CFAP43: variants seen among roughly 807,000 people sequenced by gnomAD.
The protein encoded by CFAP43 is cilia and flagella associated protein 43.
CFAP43 carries 155 observed loss-of-function variants against 218.9 expected under a neutral mutation model. The ratio of observed to expected loss-of-function variants is 0.71; its 90% CI spans 0.62 to 0.81. CFAP43 has a LOEUF of 0.81. Among genes scored for constraint, CFAP43 ranks in the 30% least tolerant of loss-of-function variants. CFAP43 has a pLI of 0.00. For missense variants in CFAP43, 1,778 were observed against 1,954.3 expected (o/e 0.91, Z 1.70); for synonymous variants, 645 against 681.3 (o/e 0.95, Z 0.83).
At chr10:104,151,106 G>A (rs1040370961) in intron 28 of CFAP43, among the ~76,000 whole-genome samples, 4 of 152,126 alleles carry the variant, frequency 2.6e-5, no homozygotes, top group Non-Finnish European at 4.4e-5. Context: ...AGTATTCCAT[G>A]GTGTATATGT....
chr10:104,194,061 C>T, intron 10 of CFAP43, 47 bp from the exon 11 acceptor site: 1 of 1,600,006 alleles, frequency 6.2e-7, no homozygotes, highest in Non-Finnish European at 8.5e-7. Flanking sequence ...TGCCTGCTCT[C>T]CTACACGTAA....
At chr10:104,209,298 T>C (rs1545111) in intron 5 of CFAP43, among the ~76,000 whole-genome samples, 40,151 of 152,156 alleles carry the variant, frequency 0.26, 5,620 homozygotes, top group Middle Eastern at 0.34. Context: ...ACAAAATATA[T>C]GGCTTTATTA....
At chr10:104,211,035 C>A (rs1009846708) in intron 5 of CFAP43, among the ~76,000 whole-genome samples, 14 of 151,910 alleles carry the variant, frequency 9.2e-5, no homozygotes, top group Admixed American at 3.9e-4. Flanking sequence ...TCGTGATCCA[C>A]CCGTCTCGGC....
Position 104,164,086 on chromosome 10 carries a change from G to A in CFAP43, c.3246+8C>T. Reference sequence around the variant, plus strand: ...AAGAAGGGAAAGGAGAACACAGCTAGCCAGTACCTCCTCATCTTGCACAAC... The same window carrying A: ...AAGAAGGGAAAGGAGAACACAGCTAACCAGTACCTCCTCATCTTGCACAAC... On this transcript the variant is annotated splice_region_variant and intron_variant, in intron 24 of 37. Coordinates refer to ENST00000357060, the MANE Select transcript of CFAP43 (RefSeq NM_025145.7). 6.2e-7 allele frequency: 1 copy of A among 1,614,006 alleles called. No homozygotes were observed.
intron 19 of CFAP43, among the ~76,000 whole-genome samples, chr10:104,177,467 C>T (rs2089672872): frequency 6.6e-6 from 1 of 152,186 alleles, no homozygotes; most frequent in Admixed American, 6.5e-5. Flanking sequence ...TCTTAGTCTT[C>T]TGCCCTGCAA....
rs967036015 is a variant in CFAP43, at chr10:104,191,795, G to C, written c.1546+404C>G. ...TTAAAAAAAATTGTGTGTGTGGGGG[G>C]GGGGAAACACATATACAGTTGGCAT... On this transcript the variant is annotated intron_variant, in intron 12 of 37. Coordinates refer to ENST00000357060, the MANE Select transcript of CFAP43 (RefSeq NM_025145.7). 4.0e-5 allele frequency among the ~76,000 whole-genome samples: 6 copies of C among 148,264 alleles called. No individual in the cohort carries two copies. In the East Asian group the frequency reaches 1.0e-3, roughly 26 times the overall value.
chr10:104,200,979 C>T (rs377342403), intron 8 of CFAP43, among the ~76,000 whole-genome samples: 1 of 152,118 alleles, frequency 6.6e-6, no homozygotes, highest in East Asian at 1.9e-4. Flanking sequence ...GAGGGCTTTG[C>T]CTAGTAGAGA....
intron 16 of CFAP43, among the ~76,000 whole-genome samples, chr10:104,183,421 C>T (rs938822067): frequency 1.6e-4 from 23 of 145,224 alleles, no homozygotes; most frequent in Admixed American, 5.6e-4. Context: ...CTCGCTCTGT[C>T]GCCCAGGCCG....
intron 19 of CFAP43, among the ~76,000 whole-genome samples, chr10:104,173,227 C>G (rs1472108321): frequency 6.6e-6 from 1 of 151,668 alleles, no homozygotes; most frequent in Admixed American, 6.6e-5. Context: ...TTTTTTGCCC[C>G]AAAATATAAA....
At chr10:104,178,968 T>C (rs886858014) in intron 19 of CFAP43, 61 bp downstream of exon 19, 3 of 1,363,986 alleles carry the variant, frequency 2.2e-6, no homozygotes, top group South Asian at 2.5e-5. Flanking sequence ...CAAAATTAAG[T>C]TCAAAAAGTA....
intron 28 of CFAP43, among the ~76,000 whole-genome samples, chr10:104,148,973 T>C (rs1349643864): frequency 6.6e-6 from 1 of 152,200 alleles, no homozygotes; most frequent in Non-Finnish European, 1.5e-5. Flanking sequence ...AACAAACCTA[T>C]ACATGTACCT....
intron 17 of CFAP43, among the ~76,000 whole-genome samples, chr10:104,181,029 C>T (rs545468695): frequency 6.6e-6 from 1 of 152,264 alleles, no homozygotes; most frequent in East Asian, 1.9e-4. Context: ...TGACCTCTCC[C>T]CAGAACCCAA....
At position 104,204,542 on chromosome 10, in the gene CFAP43, C is replaced by T. The variant is rs551798626; in HGVS notation, c.964-739G>A. ...GGCAAGGTGCTTTTTTTGAGCTCATCTCCATTCTCCATCACTCACCAGAGC... is the reference window on the plus strand; with the variant it reads ...GGCAAGGTGCTTTTTTTGAGCTCATTTCCATTCTCCATCACTCACCAGAGC... On this transcript the variant is annotated intron_variant, in intron 7 of 37. Coordinates refer to ENST00000357060, the MANE Select transcript of CFAP43 (RefSeq NM_025145.7). 3.2e-4 allele frequency among the ~76,000 whole-genome samples: 48 copies of T among 152,290 alleles called. No homozygotes were observed. The East Asian group carries it at 8.7e-3, about 28-fold the overall frequency.
At chr10:104,168,678 T>A in intron 21 of CFAP43, 66 bp downstream of exon 21, 2 of 1,388,374 alleles carry the variant, frequency 1.4e-6, no homozygotes, top group African/African-American at 1.4e-5. Context: ...AATTTATTTT[T>A]AAAACTTTCC....
rs1327299547 is a variant in CFAP43, at chr10:104,133,710, C to G, written c.4506G>C (p.Trp1502Cys). 3 of 1,613,116 alleles carry G rather than the reference C, an allele frequency of 1.9e-6. No homozygotes were observed. The part of the protein sequence containing the change: ...DVHKRILQIE[W>C]EHKKMEMERE... The stretch of plus-strand genomic sequence containing the variant: ...TTTCCATCTCCATTTTCTTATGTTC[C>G]CACTCAATCTGAAGTATTCTTTTGT... The change falls in exon 35 of 38, where the codon TGG (tryptophan) becomes TGC (cysteine). Residue 1502 changes from tryptophan to cysteine, a missense_variant. Trp to Cys is a radical substitution (Grantham distance 215, BLOSUM62 -2). Around this residue, in one of 3 missense-constraint regions of CFAP43, gnomAD observed 211 missense variants for 230.6 expected, o/e 0.91. Transcript: ENST00000357060.
At chr10:104,172,985 C>T (rs2089471227) in intron 19 of CFAP43, among the ~76,000 whole-genome samples, 1 of 152,106 alleles carries the variant, frequency 6.6e-6, no homozygotes, top group Non-Finnish European at 1.5e-5. Context: ...TTATATTATT[C>T]TCTCCAATTT....
intron 3 of CFAP43, among the ~76,000 whole-genome samples, chr10:104,219,765 C>G (rs1376499130): frequency 6.6e-6 from 1 of 152,218 alleles, no homozygotes; most frequent in Non-Finnish European, 1.5e-5. Flanking sequence ...GCTTGCCTCT[C>G]TCATGGCAAA....
At chr10:104,134,402 A>G (rs1277687236) in intron 34 of CFAP43, among the ~76,000 whole-genome samples, 1 of 152,172 alleles carries the variant, frequency 6.6e-6, no homozygotes, top group Non-Finnish European at 1.5e-5. Flanking sequence ...TGTCTCAAAA[A>G]AAGAAAGAAA....
chr10:104,207,777 C>T lies in CFAP43; in HGVS notation c.783G>A (p.Trp261Ter), dbSNP rs2090738753. The T allele has an allele frequency of 2.5e-6, 4 of 1,614,110 alleles. No individual in the cohort carries two copies. The highest frequency in any genetic ancestry group is 1.7e-6 in the Non-Finnish European group (2 of 1,180,016). The change falls in exon 6 of 38, where the codon TGG (tryptophan) becomes TGA (stop). Residue 261 changes from tryptophan to a stop codon, truncating the protein, a stop_gained. Transcript: ENST00000357060. LOFTEE classifies it high-confidence loss of function. ...YPLLHPTMHC[W>*]TPTSDLYIGC... ...CAATGTACAAGTCACTTGTTGGAGT[C>T]CAGCAATGCATAGTCGGGTGAAGCA...
Sources: gnomAD v4.1 joint callset for allele counts (sites outside exome capture counted in the v4.1 genomes callset) on GRCh38, gnomAD v4.1.1 for gene constraint, gnomAD v4.1.1 regional missense constraint, MANE v1.5 for transcripts, NCBI Gene and HGNC (gene_info 2026-07-23, HGNC 2026-07-21) for gene names.